The following SLC39A8 variants were observed in gnomAD, a reference collection of about 807,000 sequenced individuals.
SLC39A8 encodes metal cation symporter ZIP8.
SLC39A8 carries 15 observed loss-of-function variants against 40.4 expected under a neutral mutation model. That is an observed-to-expected ratio of 0.37 (90% CI 0.25 to 0.57). SLC39A8 has a LOEUF of 0.57. Among genes scored for constraint, SLC39A8 ranks in the 20% least tolerant of loss-of-function variants. The pLI is 0.75. For missense variants in SLC39A8, 472 were observed against 558.8 expected (o/e 0.84, Z 1.57); for synonymous variants, 223 against 221.6 (o/e 1.01, Z -0.06).
chr4:102,328,068 A>G (rs1167796538), intron 2 of SLC39A8, among the ~76,000 whole-genome samples: 1 of 152,242 alleles, frequency 6.6e-6, no homozygotes, highest in African/African-American at 2.4e-5. Flanking sequence ...TGGAAAGTTC[A>G]TAAACTAAAA....
intron 2 of SLC39A8, among the ~76,000 whole-genome samples, chr4:102,329,655 G>A (rs2149050292): frequency 6.7e-6 from 1 of 149,540 alleles, no homozygotes; most frequent in Admixed American, 6.6e-5. Context: ...TCAAGTCTGT[G>A]AACTCAGCTC....
chr4:102,312,699 C>A (rs913207765), intron 3 of SLC39A8, among the ~76,000 whole-genome samples: 1 of 152,100 alleles, frequency 6.6e-6, no homozygotes, highest in African/African-American at 2.4e-5. Flanking sequence ...AACTAACAGG[C>A]CTACCACAGC....
intron 2 of SLC39A8, among the ~76,000 whole-genome samples, chr4:102,321,502 T>C (rs924847388): frequency 1.3e-5 from 2 of 152,238 alleles, no homozygotes; most frequent in African/African-American, 4.8e-5. Flanking sequence ...GGAACTCCGC[T>C]AGCTTTGCTG....
intron 6 of SLC39A8, among the ~76,000 whole-genome samples, chr4:102,303,638 GC>G (rs976398490): frequency 3.3e-5 from 5 of 151,824 alleles, no homozygotes; most frequent in Non-Finnish European, 7.4e-5. Flanking sequence ...TTTTCCTGTA[GC>G]TTGGCTGTTC....
intron 2 of SLC39A8, 67 bp from the exon 3 acceptor site, chr4:102,315,897 TAAAG>T: frequency 1.5e-6 from 2 of 1,365,662 alleles, no homozygotes; most frequent in South Asian, 1.5e-5. Flanking sequence ...AAAGATGCTA[TAAAG>T]AGACACAGAC....
At chr4:102,307,295 G>A in intron 4 of SLC39A8, 141 bp downstream of exon 4, 1 of 983,804 alleles carries the variant, frequency 1.0e-6, no homozygotes, top group Non-Finnish European at 1.5e-6. Flanking sequence ...TACAATTGCT[G>A]TGATTCAGCT....
chr4:102,303,058 T>C (rs1461373491), intron 6 of SLC39A8, among the ~76,000 whole-genome samples: 2 of 151,998 alleles, frequency 1.3e-5, no homozygotes, highest in African/African-American at 4.8e-5. Context: ...GTATTTGCCA[T>C]AATAATCTCT....
rs145529199 is a variant in SLC39A8 at position 102,263,160 on chromosome 4, C to G, written c.1267G>C (p.Val423Leu). Residue 423 changes from valine (V) to leucine (L), a missense_variant, in exon 9 of 9, where the codon GTA becomes CTA. Coordinates refer to ENST00000356736, the MANE Select transcript of SLC39A8 (RefSeq NM_001135146.2). Reference protein sequence around the residue: ...PEMNDMLREKVTGRKTDFTFF... With the variant: ...PEMNDMLREKLTGRKTDFTFF... ...GTGAAATCGGTTTTTCTTCCAGTTA[C>G]CTTTTCTCTCAGCATATCATTCATC... 1.3e-4 allele frequency: 205 copies of G among 1,613,696 alleles called. No individual in the cohort carries two copies. The highest frequency in any genetic ancestry group is 4.9e-4 in the Middle Eastern group (3 of 6,062).
chr4:102,345,338 C>T lies in SLC39A8; in HGVS notation c.-254+7G>A, dbSNP rs1359367846. 1 of 152,618 alleles carries T rather than the reference C, an allele frequency of 6.6e-6. No individual in the cohort carries two copies. Among genetic ancestry groups the T allele is most frequent in the East Asian group, 1.9e-4 (1 of 5,338 alleles). The allele number at this position is 152,618 out of a possible 1,614,324, so 9.5% of individuals were successfully genotyped here. ...AAGTTAATCGGAAGCACTCGCTGGC[C>T]TCTCACCTCTCCTATCTGTTTGTTT... On this transcript the variant is annotated splice_region_variant and intron_variant, in intron 1 of 8. Transcript: ENST00000356736.
intron 3 of SLC39A8, among the ~76,000 whole-genome samples, chr4:102,315,115 AT>A (rs760520082): frequency 6.6e-6 from 1 of 152,144 alleles, no homozygotes; most frequent in Non-Finnish European, 1.5e-5. Flanking sequence ...ATGGTTTAAA[AT>A]TTCTTTGCAT....
chr4:102,252,014 T>C (rs1731603622), exon 12 of SLC39A8: 1 of 152,390 alleles, frequency 6.6e-6, no homozygotes, highest in Admixed American at 6.5e-5. Flanking sequence ...GGAGATTGCA[T>C]GTAGCCTCCT....
intron 6 of SLC39A8, among the ~76,000 whole-genome samples, chr4:102,283,461 G>A (rs1732998854): frequency 6.6e-6 from 1 of 152,282 alleles, no homozygotes; most frequent in East Asian, 1.9e-4. Context: ...CCTGGAAGGT[G>A]GAGTACCTCC....
At position 102,268,079 on chromosome 4, in the gene SLC39A8, C is replaced by T. The variant is rs748870391; in HGVS notation, c.841G>A (p.Asp281Asn). Reference sequence around the variant, plus strand: ...CATGAACTTGGCTCTTTTTTTCCATCCTAGCAGAAAATCAATTAAAATGAT... The same window carrying T: ...CATGAACTTGGCTCTTTTTTTCCATTCTAGCAGAAAATCAATTAAAATGAT... ...FDNVSVVSLQ[D>N]GKKEPSSCTC... Residue 281 changes from aspartate (D) to asparagine (N), a missense_variant and splice_region_variant, in exon 7 of 9, where the codon GAT becomes AAT. By Grantham distance (23) the Asp-to-Asn change is conservative. This residue lies in a region of SLC39A8 where 239 missense variants were observed against 317.9 expected (regional missense o/e 0.75). Coordinates refer to ENST00000356736, the MANE Select transcript of SLC39A8 (RefSeq NM_001135146.2). 2 of 1,614,006 alleles carry T rather than the reference C, an allele frequency of 1.2e-6. No individual in the cohort carries two copies. The highest frequency in any genetic ancestry group is 3.3e-5 in the Admixed American group (2 of 60,002).
chr4:102,325,937 C>A (rs1295021099), intron 2 of SLC39A8, among the ~76,000 whole-genome samples: 1 of 152,138 alleles, frequency 6.6e-6, no homozygotes, highest in Non-Finnish European at 1.5e-5. Flanking sequence ...AGTTTCCCAG[C>A]CCTACCCCAT....
chr4:102,310,040 T>C (rs906974739), intron 3 of SLC39A8, among the ~76,000 whole-genome samples: 17 of 152,042 alleles, frequency 1.1e-4, no homozygotes, highest in African/African-American at 4.8e-5. Context: ...GATCATCTCA[T>C]GCCCCCATTT....
intron 6 of SLC39A8, among the ~76,000 whole-genome samples, chr4:102,273,038 C>T (rs1251403655): frequency 6.6e-6 from 1 of 152,148 alleles, no homozygotes; most frequent in Non-Finnish European, 1.5e-5. Context: ...AGACACCAAG[C>T]GAGCTACAGG....
Position 102,262,322 on chromosome 4 carries a change from C to G in SLC39A8, c.*722G>C. 1 of 985,610 alleles carries G rather than the reference C, an allele frequency of 1.0e-6. No individual in the cohort carries two copies. The highest frequency in any genetic ancestry group is 1.2e-6 in the Non-Finnish European group (1 of 829,908). 61.1% of individuals were successfully genotyped at this position (985,610 alleles called of 1,614,324 possible). A position where few individuals can be genotyped will look rare whatever the true frequency, so the allele number is the denominator to read the frequency against. ...CCATTTGTGAGGGGTGCAACCACAA[C>G]ATAAGTCAGAAAAAAAGCTATCCAG... On this transcript the variant is annotated 3_prime_UTR_variant, in exon 9 of 9. Coordinates refer to ENST00000356736, the MANE Select transcript of SLC39A8 (RefSeq NM_001135146.2).
chr4:102,308,623 G>A (rs1158734080), intron 3 of SLC39A8, among the ~76,000 whole-genome samples: 2 of 152,094 alleles, frequency 1.3e-5, no homozygotes, highest in Admixed American at 6.6e-5. Flanking sequence ...ATGTGACTTT[G>A]CCTCTGGCCC....
At chr4:102,340,270 G>A (rs1273110116) in intron 2 of SLC39A8, among the ~76,000 whole-genome samples, 1 of 152,130 alleles carries the variant, frequency 6.6e-6, no homozygotes, top group Non-Finnish European at 1.5e-5. Flanking sequence ...GTAGAGAGAG[G>A]CAGCAGGGGT....
Sources: allele counts gnomAD v4.1 joint callset (sites outside exome capture counted in the v4.1 genomes callset), GRCh38; gene constraint gnomAD v4.1.1; regional missense constraint gnomAD v4.1.1; transcripts MANE v1.5; gene names NCBI Gene and HGNC (gene_info 2026-07-23, HGNC 2026-07-21).